Variants in GNG12 observed in about 807,000 individuals in gnomAD.
The protein encoded by GNG12 is G protein subunit gamma 12, also known as guanine nucleotide-binding protein G(I)/G(S)/G(O) subunit gamma-12.
For synonymous variants in GNG12, 28 were observed against 29.7 expected (o/e 0.94, Z 0.19); for missense variants, 69 against 83.8 (o/e 0.82, Z 0.69).
intron 2 of GNG12, among the ~76,000 whole-genome samples, chr1:67,748,110 G>T (rs1646517077): frequency 6.6e-6 from 1 of 152,148 alleles, no homozygotes; most frequent in Non-Finnish European, 1.5e-5. Context: ...CTGCATGAGG[G>T]GGCAGGGAGA....
At chr1:67,736,515 G>A (rs3766267) in intron 2 of GNG12, among the ~76,000 whole-genome samples, 3 of 152,286 alleles carry the variant, frequency 2.0e-5, no homozygotes, top group Non-Finnish European at 2.9e-5. Context: ...CTGGGGCCAC[G>A]GCCCAGCTGC....
chr1:67,733,974 T>C (rs966667685), intron 2 of GNG12, among the ~76,000 whole-genome samples: 7 of 152,158 alleles, frequency 4.6e-5, no homozygotes, highest in African/African-American at 1.2e-4. Flanking sequence ...TGCTTGAAGA[T>C]AGTTTTGCCT....
intron 1 of GNG12, among the ~76,000 whole-genome samples, chr1:67,829,113 G>T (rs576487904): frequency 1.4e-4 from 21 of 152,200 alleles, no homozygotes; most frequent in African/African-American, 5.1e-4. Context: ...GGAAAAGCAG[G>T]TTGGGGGTGG....
chr1:67,774,255 T>C (rs1199895846), intron 2 of GNG12, among the ~76,000 whole-genome samples: 1 of 152,184 alleles, frequency 6.6e-6, no homozygotes, highest in African/African-American at 2.4e-5. Flanking sequence ...TGCCAGCAAA[T>C]GAATAGCCTC....
intron 2 of GNG12, among the ~76,000 whole-genome samples, chr1:67,774,207 C>G (rs1390548672): frequency 6.6e-6 from 1 of 152,186 alleles, no homozygotes; most frequent in Non-Finnish European, 1.5e-5. Context: ...CCTTCTGGTA[C>G]TGATTGCTCA....
intron 2 of GNG12, among the ~76,000 whole-genome samples, chr1:67,733,824 TAG>T (rs1646435488): frequency 1.3e-5 from 2 of 152,152 alleles, no homozygotes; most frequent in Non-Finnish European, 2.9e-5. Flanking sequence ...TTCCAACAAA[TAG>T]CCCAGGCAGG....
At chr1:67,743,056 T>C (rs919871815) in intron 2 of GNG12, among the ~76,000 whole-genome samples, 1 of 152,180 alleles carries the variant, frequency 6.6e-6, no homozygotes, top group South Asian at 2.1e-4. Flanking sequence ...ACAAGCTATC[T>C]ACTTACTAAT....
At chr1:67,707,841 A>G (rs1444227237) in intron 2 of GNG12, 129 bp from the exon 3 acceptor site, 3 of 556,734 alleles carry the variant, frequency 5.4e-6, no homozygotes, top group Non-Finnish European at 9.4e-6. Context: ...GGAGGCAGTT[A>G]CTAAAACACC....
At chr1:67,831,538 C>T (rs571606354) in intron 1 of GNG12, among the ~76,000 whole-genome samples, 1 of 152,222 alleles carries the variant, frequency 6.6e-6, no homozygotes, top group East Asian at 1.9e-4. Context: ...GAGTTAAATA[C>T]AGCAAAAATA....
intron 2 of GNG12, among the ~76,000 whole-genome samples, chr1:67,730,321 G>C (rs987467509): frequency 1.3e-5 from 2 of 152,188 alleles, no homozygotes; most frequent in Non-Finnish European, 2.9e-5. Flanking sequence ...CCAACATGGC[G>C]AAACTCCATC....
intron 1 of GNG12, among the ~76,000 whole-genome samples, chr1:67,817,032 C>A (rs557545743): frequency 6.6e-6 from 1 of 152,294 alleles, no homozygotes; most frequent in African/African-American, 2.4e-5. Context: ...ATTGAATCTT[C>A]TATGCATGGG....
Position 67,738,471 on chromosome 1 carries a change from C to T in GNG12, c.-26-30759G>A, listed in dbSNP as rs555956480. 3.9e-5 allele frequency among the ~76,000 whole-genome samples: 6 copies of T among 152,308 alleles called. No individual in the cohort carries two copies. The South Asian group carries it at 8.3e-4, about 21-fold the overall frequency. ...TTGGTCTATATCAAGTCTTTAACAA[C>T]GATCCTGAGCCCTCCCCTCTGTTTA... On this transcript the variant is annotated intron_variant, in intron 2 of 3. Transcript: ENST00000370982.
At chr1:67,824,388 T>C (rs1646999889) in intron 1 of GNG12, among the ~76,000 whole-genome samples, 1 of 151,446 alleles carries the variant, frequency 6.6e-6, no homozygotes, top group African/African-American at 2.4e-5. Context: ...CAGGCACCTA[T>C]AGTCCAAGCT....
chr1:67,767,269 T>C (rs1166011330), intron 2 of GNG12, among the ~76,000 whole-genome samples: 1 of 152,184 alleles, frequency 6.6e-6, no homozygotes, highest in Non-Finnish European at 1.5e-5. Flanking sequence ...CTTCTTGGCC[T>C]CTTGAACATG....
chr1:67,773,003 T>A (rs1310310463), intron 2 of GNG12, among the ~76,000 whole-genome samples: 1 of 152,216 alleles, frequency 6.6e-6, no homozygotes, highest in Non-Finnish European at 1.5e-5. Flanking sequence ...CCTGATGATA[T>A]CTTTGGAACT....
At chr1:67,742,151 G>A (rs751877449) in intron 2 of GNG12, among the ~76,000 whole-genome samples, 18 of 152,250 alleles carry the variant, frequency 1.2e-4, no homozygotes, top group Admixed American at 5.2e-4. Context: ...AGGGTGAACC[G>A]GCAGATTCTC....
chr1:67,803,469 G>A (rs1178298646), intron 1 of GNG12, among the ~76,000 whole-genome samples: 1 of 152,228 alleles, frequency 6.6e-6, no homozygotes, highest in East Asian at 1.9e-4. Context: ...TAAAAGGAGT[G>A]AGAGAACAGC....
chr1:67,744,079 T>C (rs192646892), intron 2 of GNG12, among the ~76,000 whole-genome samples: 312 of 152,322 alleles, frequency 2.0e-3, no homozygotes, highest in African/African-American at 7.1e-3. Context: ...TGTAACAGTA[T>C]TTACTGGATG....
intron 1 of GNG12, among the ~76,000 whole-genome samples, chr1:67,816,051 A>G (rs1646951345): frequency 6.6e-6 from 1 of 152,202 alleles, no homozygotes; most frequent in Non-Finnish European, 1.5e-5. Flanking sequence ...TAACATGCAC[A>G]TAAGTTTATG....
Sources: gnomAD v4.1 joint callset for allele counts (sites outside exome capture counted in the v4.1 genomes callset) on GRCh38, gnomAD v4.1.1 for gene constraint, MANE v1.5 for transcripts, NCBI Gene and HGNC (gene_info 2026-07-23, HGNC 2026-07-21) for gene names.